AXDND1: variants seen among roughly 807,000 people sequenced by gnomAD.
The protein encoded by AXDND1 is axonemal dynein light chain domain containing 1.
Under a neutral mutation model 137.5 loss-of-function variants are expected in AXDND1, and 110 were observed. The ratio of observed to expected loss-of-function variants is 0.80; its 90% CI spans 0.69 to 0.94. The LOEUF (loss-of-function observed/expected upper bound fraction) is 0.94, where lower values mean the gene tolerates loss of function less well. AXDND1 is among the 40% of genes least tolerant of loss of function. The pLI, the probability that AXDND1 is intolerant of heterozygous loss-of-function variation, is 0.00. For missense variants in AXDND1, 1,191 were observed against 1,169.8 expected (o/e 1.02, Z -0.26); for synonymous variants, 414 against 399.7 (o/e 1.04, Z -0.43).
chr1:179,397,327 C>T (rs1275295260), intron 11 of AXDND1, among the ~76,000 whole-genome samples: 1 of 152,116 alleles, frequency 6.6e-6, no homozygotes, highest in Non-Finnish European at 1.5e-5. Flanking sequence ...TCTCTTACGG[C>T]TTGTAGGGTT....
chr1:179,547,443 G>A (rs1483245722), intron 25 of AXDND1, among the ~76,000 whole-genome samples: 2 of 152,218 alleles, frequency 1.3e-5, no homozygotes, highest in Non-Finnish European at 2.9e-5. Context: ...GCAGAGTGCA[G>A]GTTTTTGAGA....
Position 179,554,628 on chromosome 1 carries a change from A to G in AXDND1, c.*109A>G, listed in dbSNP as rs1315122783. 8 of 1,512,532 alleles carry G rather than the reference A, an allele frequency of 5.3e-6. No individual in the cohort carries two copies. The East Asian group carries it at 1.4e-4, about 26-fold the overall frequency. 93.7% of individuals were successfully genotyped at this position (1,512,532 alleles called of 1,614,324 possible). On this transcript the variant is annotated 3_prime_UTR_variant, in exon 26 of 26. Transcript: ENST00000367618. ...CCATTGTTCTGTACTAAGGAACAAC[A>G]TTCCCTTTGAAAGGACATTATTTGC... is the stretch of plus-strand genomic sequence containing the variant.
At chr1:179,448,744 G>A (rs570469706) in intron 16 of AXDND1, 17 of 163,836 alleles carry the variant, frequency 1.0e-4, no homozygotes, top group African/African-American at 2.4e-4. Context: ...CCAACTTACC[G>A]ATTTTATTTT....
At chr1:179,424,795 A>G (rs7554103) in intron 12 of AXDND1, among the ~76,000 whole-genome samples, 44,618 of 151,844 alleles carry the variant, frequency 0.29, 6,767 homozygotes, top group Non-Finnish European at 0.31. Context: ...ATTTGGGTTC[A>G]CTGATTCTTT....
At chr1:179,401,258 C>CAAA (rs201354000) in intron 11 of AXDND1, among the ~76,000 whole-genome samples, 24,287 of 83,226 alleles carry the variant, frequency 0.29, 3,228 homozygotes, top group Middle Eastern at 0.41. Context: ...AACTCCATCT[C>CAAA]AAAAAAAAAA....
chr1:179,485,604 A>G (rs549969107), intron 18 of AXDND1, among the ~76,000 whole-genome samples: 3 of 152,330 alleles, frequency 2.0e-5, no homozygotes, highest in Middle Eastern at 3.4e-3. Flanking sequence ...AAGAGCCAGC[A>G]CAAGAACTCT....
intron 16 of AXDND1, among the ~76,000 whole-genome samples, chr1:179,458,733 TA>T (rs1359462866): frequency 6.6e-6 from 1 of 150,664 alleles, no homozygotes; most frequent in Non-Finnish European, 1.5e-5. Flanking sequence ...TAAATATCCC[TA>T]GAAAAAAACT....
In AXDND1 at chr1:179,459,860, TTTCC is replaced by T. The variant is rs2125437118; in HGVS notation, c.1799-8576_1799-8573del. ...TTCTTTCCCTTCCTTCCTTCCTTTCTTTCCTTCCTTTCTTTTCTTTTCTCTTTTC... is the reference window on the plus strand; with the variant it reads ...TTCTTTCCCTTCCTTCCTTCCTTTCTTTCCTTTCTTTTCTTTTCTCTTTTC... On this transcript the variant is annotated intron_variant, in intron 16 of 25. Coordinates refer to ENST00000367618, the MANE Select transcript of AXDND1 (RefSeq NM_144696.6). Among the ~76,000 whole-genome samples the T allele has an allele frequency of 2.7e-5, 4 of 147,852 alleles. No individual in the cohort carries two copies. The East Asian group carries it at 8.1e-4, about 30-fold the overall frequency.
At chr1:179,409,645 G>A (rs1319638225) in intron 11 of AXDND1, among the ~76,000 whole-genome samples, 2 of 152,090 alleles carry the variant, frequency 1.3e-5, no homozygotes, top group East Asian at 3.9e-4. Flanking sequence ...CCCCTGGGAG[G>A]CTGAGGCGGG....
At chr1:179,441,197 C>T (rs1477697036) in intron 15 of AXDND1, among the ~76,000 whole-genome samples, 1 of 152,094 alleles carries the variant, frequency 6.6e-6, no homozygotes, top group Non-Finnish European at 1.5e-5. Flanking sequence ...ACTGATTGGC[C>T]CATTGATTTC....
At chr1:179,409,222 A>G (rs1016429276) in intron 11 of AXDND1, among the ~76,000 whole-genome samples, 1 of 151,880 alleles carries the variant, frequency 6.6e-6, no homozygotes, top group African/African-American at 2.4e-5. Context: ...ATCTATTATG[A>G]ATGGGATGGC....
intron 16 of AXDND1, chr1:179,457,207 A>C (rs776210425): frequency 5.3e-6 from 4 of 750,998 alleles, no homozygotes; most frequent in Non-Finnish European, 9.7e-6. Flanking sequence ...ATTACCACAC[A>C]GTCCATGAGC....
intron 15 of AXDND1, among the ~76,000 whole-genome samples, chr1:179,435,149 C>A (rs569143182): frequency 2.0e-5 from 3 of 152,078 alleles, no homozygotes; most frequent in African/African-American, 7.2e-5. Context: ...TGCGAAGGAC[C>A]TCTTCAAGGA....
At chr1:179,529,049 G>A (rs1198845837) in intron 23 of AXDND1, among the ~76,000 whole-genome samples, 1 of 152,184 alleles carries the variant, frequency 6.6e-6, no homozygotes, top group African/African-American at 2.4e-5. Context: ...GGGAAACTGG[G>A]AACTTAGAGA....
intron 17 of AXDND1, among the ~76,000 whole-genome samples, chr1:179,479,375 T>G (rs1339354568): frequency 2.0e-5 from 3 of 150,720 alleles, no homozygotes; most frequent in Non-Finnish European, 2.9e-5. Context: ...CTTGGGAGGC[T>G]GAGGCAGGAG....
rs78751980 is a variant in AXDND1, at chr1:179,533,855, G to T, written c.2776G>T (p.Glu926Ter). Residue 926 changes from glutamate to a stop codon, truncating the protein, a stop_gained, in exon 24 of 26, where the codon GAA becomes TAA. Transcript: ENST00000367618. LOFTEE classifies it high-confidence loss of function. ...QKYLEAMAVI[E>*]HMQEKLLEVE... ...ATATCTTGAAGCAATGGCTGTAATT[G>T]AACATATGCAGGAGAAGTTACTGTA... is the stretch of plus-strand genomic sequence containing the variant. 3.1e-6 allele frequency: 5 copies of T among 1,612,960 alleles called. No individual in the cohort carries two copies. The South Asian group carries it at 4.4e-5, about 14-fold the overall frequency.
In AXDND1 at chr1:179,533,867, G is replaced by T; in HGVS notation, c.2788G>T (p.Glu930Ter). ...AATGGCTGTAATTGAACATATGCAG[G>T]AGAAGTTACTGTAAGTATGAGTCAA... ...EAMAVIEHMQ[E>*]KLLEVENRAR... Residue 930 changes from glutamate to a stop codon, truncating the protein, a stop_gained, in exon 24 of 26, where the codon GAG becomes TAG. Transcript: ENST00000367618. LOFTEE classifies it high-confidence loss of function. The T allele has an allele frequency of 6.2e-7, 1 of 1,612,668 alleles. No homozygotes were observed. The highest frequency in any genetic ancestry group is 8.5e-7 in the Non-Finnish European group (1 of 1,178,994).
At chr1:179,480,883 G>T (rs1241442542) in intron 17 of AXDND1, among the ~76,000 whole-genome samples, 1 of 150,338 alleles carries the variant, frequency 6.7e-6, no homozygotes, top group Non-Finnish European at 1.5e-5. Context: ...ATTTCTAGTT[G>T]ATTGGTCTAT....
intron 6 of AXDND1, among the ~76,000 whole-genome samples, chr1:179,382,164 C>T (rs543151343): frequency 1.5e-4 from 23 of 151,886 alleles, no homozygotes; most frequent in African/African-American, 4.6e-4. Flanking sequence ...CTGCAACCCC[C>T]GCCTCCCAGG....
Sources: allele counts gnomAD v4.1 joint callset (sites outside exome capture counted in the v4.1 genomes callset), GRCh38; gene constraint gnomAD v4.1.1; transcripts MANE v1.5; gene names NCBI Gene and HGNC (gene_info 2026-07-23, HGNC 2026-07-21).